The following PPM1H variants were observed in gnomAD, a reference collection of about 807,000 sequenced individuals.
The protein encoded by PPM1H is protein phosphatase, Mg2+/Mn2+ dependent 1H.
In PPM1H, 27 loss-of-function variants were observed where a neutral mutation model predicts 54.9. That is an observed-to-expected ratio of 0.49 (90% CI 0.36 to 0.68). PPM1H has a LOEUF of 0.68. Ranked by LOEUF, PPM1H falls within the 30% of genes least tolerant of loss-of-function variation. The pLI is 0.00. For missense variants in PPM1H, 596 were observed against 667.8 expected (o/e 0.89, Z 1.19); for synonymous variants, 305 against 270.8 (o/e 1.13, Z -1.24).
chr12:62,878,679 C>T (rs1461581104), intron 1 of PPM1H, among the ~76,000 whole-genome samples: 1 of 147,810 alleles, frequency 6.8e-6, no homozygotes, highest in African/African-American at 2.5e-5. Context: ...GTGGCTCATG[C>T]CTGTAATCCC....
intron 1 of PPM1H, among the ~76,000 whole-genome samples, chr12:62,904,377 G>A (rs915624094): frequency 2.0e-5 from 3 of 151,976 alleles, no homozygotes; most frequent in South Asian, 2.1e-4. Flanking sequence ...AGCAGGGACC[G>A]TAGGCACACA....
intron 1 of PPM1H, among the ~76,000 whole-genome samples, chr12:62,875,248 T>C (rs752887467): frequency 1.3e-5 from 2 of 152,186 alleles, no homozygotes; most frequent in Non-Finnish European, 2.9e-5. Flanking sequence ...GACATGAAAT[T>C]CTAAAACAAG....
chr12:62,793,740 CAAAAAAAAA>C (rs34457644), intron 3 of PPM1H, among the ~76,000 whole-genome samples: 9 of 61,226 alleles, frequency 1.5e-4, no homozygotes, highest in African/African-American at 4.0e-4. Context: ...AACTCCGTTT[CAAAAAAAAA>C]AAAAAAAAAA....
At chr12:62,747,434 C>T (rs2076419272) in intron 4 of PPM1H, among the ~76,000 whole-genome samples, 1 of 152,174 alleles carries the variant, frequency 6.6e-6, no homozygotes, top group African/African-American at 2.4e-5. Flanking sequence ...CTGTGCCTGG[C>T]AATTTTTAAA....
chr12:62,869,950 C>T (rs895580566), intron 1 of PPM1H, among the ~76,000 whole-genome samples: 6 of 152,074 alleles, frequency 3.9e-5, no homozygotes, highest in Non-Finnish European at 7.4e-5. Context: ...GAGGCCTTCC[C>T]AATCCTTCAT....
At chr12:62,700,638 C>T (rs1237313638) in intron 6 of PPM1H, among the ~76,000 whole-genome samples, 1 of 152,150 alleles carries the variant, frequency 6.6e-6, no homozygotes. Context: ...ATTATTGGGA[C>T]GGATCCATCA....
At position 62,895,799 on chromosome 12, in the gene PPM1H, G is replaced by A. The variant is rs1001562483; in HGVS notation, c.245+38693C>T. 3.3e-5 allele frequency among the ~76,000 whole-genome samples: 5 copies of A among 152,290 alleles called. No homozygotes were observed. In the East Asian group the frequency reaches 7.7e-4, roughly 24 times the overall value. The stretch of plus-strand genomic sequence containing the variant: ...CAGGCTCCCCTTTGCCTTCCACCAT[G>A]AGTGGAAGCAGCCTGAGGCCCTCAT... On this transcript the variant is annotated intron_variant, in intron 1 of 9. Transcript: ENST00000228705.
At chr12:62,825,063 A>G (rs1044268922) in intron 2 of PPM1H, among the ~76,000 whole-genome samples, 1 of 152,198 alleles carries the variant, frequency 6.6e-6, no homozygotes, top group African/African-American at 2.4e-5. Flanking sequence ...AAAAAAAATC[A>G]AAAAGTGGGC....
intron 2 of PPM1H, among the ~76,000 whole-genome samples, chr12:62,824,564 T>G (rs930337881): frequency 6.6e-6 from 1 of 152,050 alleles, no homozygotes; most frequent in Non-Finnish European, 1.5e-5. Flanking sequence ...GGCAGACCAA[T>G]GAAACAGAAC....
intron 8 of PPM1H, among the ~76,000 whole-genome samples, chr12:62,682,536 C>T (rs2076024938): frequency 6.6e-6 from 1 of 152,204 alleles, no homozygotes; most frequent in African/African-American, 2.4e-5. Flanking sequence ...AGGTCTCACT[C>T]TGTCACCAAG....
intron 1 of PPM1H, among the ~76,000 whole-genome samples, chr12:62,901,660 C>T (rs544711490): frequency 6.6e-6 from 1 of 152,332 alleles, no homozygotes; most frequent in East Asian, 1.9e-4. Context: ...AAGTGGGACA[C>T]ATTCTTAACA....
chr12:62,783,558 G>A (rs964185297), intron 4 of PPM1H, among the ~76,000 whole-genome samples: 2 of 152,174 alleles, frequency 1.3e-5, no homozygotes, highest in Non-Finnish European at 1.5e-5. Flanking sequence ...CACAGCTGTC[G>A]AAGCCTGGGG....
In PPM1H at chr12:62,889,506, A is replaced by T. The variant is rs189836641; in HGVS notation, c.245+44986T>A. ...ATCCTGTCTCTAAAAAAATTTAAAA[A>T]ATATATATATAAAAATATAATGTAA... On this transcript the variant is annotated intron_variant, in intron 1 of 9. Transcript: ENST00000228705. 2.6e-3 allele frequency among the ~76,000 whole-genome samples: 399 copies of T among 152,032 alleles called. 8 individuals carry two copies. The South Asian group carries it at 0.043, about 16-fold the overall frequency.
chr12:62,866,058 T>C (rs1209538914), intron 1 of PPM1H, among the ~76,000 whole-genome samples: 2 of 152,200 alleles, frequency 1.3e-5, no homozygotes, highest in Non-Finnish European at 2.9e-5. Flanking sequence ...AGCATTCTCT[T>C]CCAAGCAGTC....
In PPM1H at chr12:62,902,909, G is replaced by A. The variant is rs192992953; in HGVS notation, c.245+31583C>T. Among the ~76,000 whole-genome samples, 708 of 152,250 alleles carry A rather than the reference G, an allele frequency of 4.7e-3. 7 individuals are homozygous for A. Among genetic ancestry groups the A allele is most frequent in the Non-Finnish European group, 8.2e-3 (558 of 68,006 alleles). On this transcript the variant is annotated intron_variant, in intron 1 of 9. Transcript: ENST00000228705. ...AGCCACAGTTTAGGCAATCATACAG[G>A]CCTATCTCCTATGGCAAATGGAATA...
intron 1 of PPM1H, among the ~76,000 whole-genome samples, chr12:62,876,914 C>T (rs572422987): frequency 6.6e-6 from 1 of 152,312 alleles, no homozygotes; most frequent in East Asian, 1.9e-4. Flanking sequence ...ATTTTTTAAG[C>T]ACACACCCAC....
intron 9 of PPM1H, among the ~76,000 whole-genome samples, chr12:62,649,396 T>C (rs1212899957): frequency 6.6e-6 from 1 of 152,320 alleles, no homozygotes; most frequent in South Asian, 2.1e-4. Context: ...CACTGTAAGC[T>C]GATGGGAAAG....
intron 3 of PPM1H, among the ~76,000 whole-genome samples, chr12:62,794,201 A>G (rs2076718145): frequency 6.6e-6 from 1 of 152,330 alleles, no homozygotes; most frequent in African/African-American, 2.4e-5. Flanking sequence ...ATTCCTTCCT[A>G]GAGAAACTTC....
rs1209716084 is a variant in PPM1H, at chr12:62,756,062, C to G, written c.870-18476G>C. On this transcript the variant is annotated intron_variant, in intron 4 of 9. Coordinates refer to ENST00000228705, the MANE Select transcript of PPM1H (RefSeq NM_020700.2). ...AGGGCATCCTGGGCTACACTGAGCA[C>G]CAGGTTGTCTCCTCTGATTTTAACA... 4 of 1,219,774 alleles carry G rather than the reference C, an allele frequency of 3.3e-6. No individual in the cohort carries two copies. The East Asian group carries it at 9.4e-5, about 29-fold the overall frequency. The allele number at this position is 1,219,774 out of a possible 1,614,324, so 75.6% of individuals were successfully genotyped here. A position where few individuals can be genotyped will look rare whatever the true frequency, so the allele number is the denominator to read the frequency against.
Sources: gnomAD v4.1 joint callset for allele counts (sites outside exome capture counted in the v4.1 genomes callset) on GRCh38, gnomAD v4.1.1 for gene constraint, MANE v1.5 for transcripts, NCBI Gene and HGNC (gene_info 2026-07-23, HGNC 2026-07-21) for gene names.